The following PCSK2 variants were observed in gnomAD, a reference collection of about 807,000 sequenced individuals.
The protein encoded by PCSK2 is proprotein convertase subtilisin/kexin type 2, also known as neuroendocrine convertase 2.
In PCSK2, 14 loss-of-function variants were observed where a neutral mutation model predicts 69.7. That is an observed-to-expected ratio of 0.20 (90% CI 0.13 to 0.31). PCSK2 has a LOEUF of 0.31. Ranked by LOEUF, PCSK2 falls within the 10% of genes least tolerant of loss-of-function variation. PCSK2 has a pLI of 1.00. For synonymous variants in PCSK2, 307 were observed against 320.7 expected (o/e 0.96, Z 0.46); for missense variants, 544 against 842.5 (o/e 0.65, Z 4.39).
At chr20:17,474,104 A>G (rs1184858693) in intron 11 of PCSK2, among the ~76,000 whole-genome samples, 1 of 152,196 alleles carries the variant, frequency 6.6e-6, no homozygotes, top group East Asian at 1.9e-4. Flanking sequence ...GGGTTTCAGT[A>G]GATGGTGACA....
At chr20:17,252,057 G>A (rs1439447628) in intron 1 of PCSK2, among the ~76,000 whole-genome samples, 2 of 152,176 alleles carry the variant, frequency 1.3e-5, no homozygotes, top group Non-Finnish European at 2.9e-5. Flanking sequence ...TTAAGAGCAA[G>A]TGTGTTCCAG....
At chr20:17,429,881 C>CA (rs148983423) in intron 7 of PCSK2, among the ~76,000 whole-genome samples, 4,998 of 145,878 alleles carry the variant, frequency 0.034, 95 homozygotes, top group South Asian at 0.066. Flanking sequence ...TTTTTAACAG[C>CA]AAAAAAAAAA....
intron 2 of PCSK2, among the ~76,000 whole-genome samples, chr20:17,337,195 T>C (rs982563496): frequency 2.6e-5 from 4 of 152,208 alleles, no homozygotes; most frequent in African/African-American, 7.2e-5. Flanking sequence ...CTGTTTCCAA[T>C]ATGTGCTTCC....
rs947377767 is a variant in PCSK2, at chr20:17,303,125, A to G, written c.282+42781A>G. ...AAGTTGCTTTTTCCTATATTGTTCA[A>G]TCTCTTGCCAGGCAAAGGGATGGGT... is the stretch of plus-strand genomic sequence containing the variant. On this transcript the variant is annotated intron_variant, in intron 2 of 11. Transcript: ENST00000262545. Among the ~76,000 whole-genome samples the G allele has an allele frequency of 6.1e-5, 9 of 148,692 alleles. No homozygotes were observed. The South Asian group carries it at 1.7e-3, about 28-fold the overall frequency.
chr20:17,270,546 A>G (rs549287943), intron 2 of PCSK2, among the ~76,000 whole-genome samples: 62 of 152,256 alleles, frequency 4.1e-4, no homozygotes, highest in African/African-American at 1.4e-3. Context: ...TGTGTTTTTC[A>G]TCTTCTCTAC....
chr20:17,249,529 A>T (rs1208830101), intron 1 of PCSK2, among the ~76,000 whole-genome samples: 1 of 148,312 alleles, frequency 6.7e-6, no homozygotes, highest in African/African-American at 2.5e-5. Context: ...AAAAAGTTGC[A>T]TAAATAGCAC....
At chr20:17,399,324 A>G (rs6111531) in intron 5 of PCSK2, among the ~76,000 whole-genome samples, 46,681 of 152,164 alleles carry the variant, frequency 0.31, 8,516 homozygotes, top group South Asian at 0.58. Context: ...CAAACCAACC[A>G]ACAGTCACTA....
Position 17,250,294 on chromosome 20 carries a change from G to A in PCSK2, c.178-9946G>A, listed in dbSNP as rs145502886. Among the ~76,000 whole-genome samples, 1,419 of 152,120 alleles carry A rather than the reference G, an allele frequency of 9.3e-3. 13 individuals carry two copies. Among genetic ancestry groups the A allele is most frequent in the East Asian group, 0.025 (127 of 5,170 alleles). On this transcript the variant is annotated intron_variant, in intron 1 of 11. Transcript: ENST00000262545. ...AAAAGTTCTGCAGCTCTTTTTTGTC[G>A]TTTATGAACATGATGACTTTAAAGA...
rs376919470 is a variant in PCSK2, at chr20:17,481,612, C to A, written c.1459C>A (p.Leu487Met). 89 of 1,613,820 alleles carry A rather than the reference C, an allele frequency of 5.5e-5. No homozygotes were observed. The highest frequency in any genetic ancestry group is 7.5e-5 in the Non-Finnish European group (88 of 1,179,908). Residue 487 changes from leucine (L) to methionine (M), a missense_variant, in exon 12 of 12, where the codon CTG becomes ATG. This residue lies in a region of PCSK2 where 200 missense variants were observed against 287.8 expected (regional missense o/e 0.69). Coordinates refer to ENST00000262545, the MANE Select transcript of PCSK2 (RefSeq NM_002594.5). ...EKIPSTGKLV[L>M]TLTTDACEGK... ...AATACCATCCACTGGCAAGTTGGTG[C>A]TGACACTCACAACCGACGCCTGTGA...
intron 2 of PCSK2, among the ~76,000 whole-genome samples, chr20:17,262,656 CT>C (rs1600422445): frequency 6.6e-6 from 1 of 152,044 alleles, no homozygotes; most frequent in East Asian, 1.9e-4. Context: ...AAGATTCTGC[CT>C]TGTGGGTTTA....
In PCSK2 at chr20:17,227,375, T is replaced by C; in HGVS notation, c.70T>C (p.Ser24Pro). ...CCTCTTCTGTGTCATGGTTTTTGCA[T>C]CTGCTGAGCGACCGGTCTTCACGAA... ...GFLFCVMVFA[S>P]AERPVFTNHF... Residue 24 changes from serine to proline, a missense_variant, in exon 1 of 12, where the codon TCT (serine) becomes CCT (proline). This residue lies in a region of PCSK2 where 157 missense variants were observed against 155.0 expected (regional missense o/e 1.01). Transcript: ENST00000262545. 2.5e-6 allele frequency: 4 copies of C among 1,614,018 alleles called. No homozygotes were observed. The highest frequency in any genetic ancestry group is 3.4e-6 in the Non-Finnish European group (4 of 1,179,932).
At chr20:17,435,355 T>A (rs980192572) in intron 7 of PCSK2, among the ~76,000 whole-genome samples, 2 of 152,150 alleles carry the variant, frequency 1.3e-5, no homozygotes, top group Non-Finnish European at 2.9e-5. Flanking sequence ...TGGTGGTATA[T>A]GAAACACGCA....
rs557467064 is a variant in PCSK2 at position 17,291,971 on chromosome 20, G to A, written c.282+31627G>A. On this transcript the variant is annotated intron_variant, in intron 2 of 11. Coordinates refer to ENST00000262545, the MANE Select transcript of PCSK2 (RefSeq NM_002594.5). Reference sequence around the variant, plus strand: ...CAAGAAAAATCTAGGGGTAAAAAGTGTCTTTCATAGGAGTCCAAAAATATC... The same window carrying A: ...CAAGAAAAATCTAGGGGTAAAAAGTATCTTTCATAGGAGTCCAAAAATATC... 1.2e-4 allele frequency among the ~76,000 whole-genome samples: 18 copies of A among 152,310 alleles called. No homozygotes were observed. In the South Asian group the frequency reaches 3.5e-3, roughly 30 times the overall value.
At chr20:17,234,101 C>A (rs1986243961) in intron 1 of PCSK2, among the ~76,000 whole-genome samples, 1 of 152,190 alleles carries the variant, frequency 6.6e-6, no homozygotes, top group Non-Finnish European at 1.5e-5. Context: ...AACTAATATG[C>A]TGTCAGTAAA....
At chr20:17,330,428 C>T (rs1568605905) in intron 2 of PCSK2, among the ~76,000 whole-genome samples, 7 of 151,752 alleles carry the variant, frequency 4.6e-5, no homozygotes, top group Admixed American at 3.3e-4. Flanking sequence ...CCCGTCTCTA[C>T]TAAAAATAAA....
intron 2 of PCSK2, among the ~76,000 whole-genome samples, chr20:17,301,122 G>T (rs1253656091): frequency 1.3e-5 from 2 of 152,226 alleles, no homozygotes; most frequent in Non-Finnish European, 2.9e-5. Context: ...CACTAGGATT[G>T]CAGACCATCA....
At chr20:17,361,902 G>A (rs995899326) in intron 4 of PCSK2, among the ~76,000 whole-genome samples, 17 of 152,174 alleles carry the variant, frequency 1.1e-4, no homozygotes, top group African/African-American at 3.9e-4. Flanking sequence ...CTTGAAAACT[G>A]TTCCAAAGGG....
At chr20:17,306,958 A>C (rs913828450) in intron 2 of PCSK2, among the ~76,000 whole-genome samples, 1 of 152,210 alleles carries the variant, frequency 6.6e-6, no homozygotes, top group Admixed American at 6.5e-5. Context: ...GTGAGGGAAA[A>C]TAGTCTGGAT....
intron 1 of PCSK2, among the ~76,000 whole-genome samples, chr20:17,236,745 G>A (rs1393164901): frequency 6.6e-6 from 1 of 152,166 alleles, no homozygotes; most frequent in African/African-American, 2.4e-5. Context: ...GCCTAAGCAT[G>A]AAAAAGGAGC....
Sources: gnomAD v4.1 joint callset for allele counts (sites outside exome capture counted in the v4.1 genomes callset) on GRCh38, gnomAD v4.1.1 for gene constraint, gnomAD v4.1.1 regional missense constraint, MANE v1.5 for transcripts, NCBI Gene and HGNC (gene_info 2026-07-23, HGNC 2026-07-21) for gene names.